The following ELMO1 variants were observed in gnomAD, a reference collection of about 807,000 sequenced individuals.
ELMO1 encodes the protein engulfment and cell motility 1, also known as engulfment and cell motility protein 1.
ELMO1 carries 26 observed loss-of-function variants against 98.9 expected under a neutral mutation model. That is an observed-to-expected ratio of 0.26 (90% CI 0.19 to 0.36). The LOEUF is 0.36. Among genes scored for constraint, ELMO1 ranks in the 10% least tolerant of loss-of-function variants. The probability of loss-of-function intolerance (pLI) is 1.00; values close to 1 mark genes in which losing one functional copy is unlikely to be tolerated. For missense variants in ELMO1, 627 were observed against 935.2 expected, an observed-to-expected ratio of 0.67 and a Z score of 4.30; for synonymous variants, 346 against 346.0, an observed-to-expected ratio of 1.00 and a Z score of 0.00.
intron 13 of ELMO1, among the ~76,000 whole-genome samples, chr7:37,135,217 C>T (rs1016823587): frequency 7.9e-5 from 12 of 152,156 alleles, no homozygotes; most frequent in Admixed American, 7.9e-4. Context: ...AGGAACTATC[C>T]TGAAAATGCA....
chr7:36,884,591 T>C (rs1355485787), intron 18 of ELMO1, among the ~76,000 whole-genome samples: 2 of 152,250 alleles, frequency 1.3e-5, no homozygotes, highest in South Asian at 2.1e-4. Context: ...TTGAGATATA[T>C]TACCTCCCAG....
At chr7:36,973,596 C>A (rs1174584450) in intron 16 of ELMO1, among the ~76,000 whole-genome samples, 1 of 152,166 alleles carries the variant, frequency 6.6e-6, no homozygotes, top group Non-Finnish European at 1.5e-5. Flanking sequence ...GTCCTCACAG[C>A]CCTCGCTCGC....
intron 16 of ELMO1, among the ~76,000 whole-genome samples, chr7:36,948,103 A>G (rs187511140): frequency 6.6e-6 from 1 of 152,366 alleles, no homozygotes; most frequent in African/African-American, 2.4e-5. Context: ...TGAATAGATA[A>G]GTGGTGAAAA....
chr7:37,276,151 T>C (rs1796820288), intron 4 of ELMO1, among the ~76,000 whole-genome samples: 3 of 152,134 alleles, frequency 2.0e-5, no homozygotes, highest in Non-Finnish European at 4.4e-5. Context: ...CTTCCTCCCA[T>C]GGAAAATGAG....
chr7:37,342,538 C>G lies in ELMO1; in HGVS notation c.78+75G>C. 3.5e-6 allele frequency: 5 copies of G among 1,408,680 alleles called. No homozygotes were observed. The highest frequency in any genetic ancestry group is 4.6e-5 in the East Asian group (2 of 43,926). The allele number at this position is 1,408,680 out of a possible 1,614,324, so 87.3% of individuals were successfully genotyped here. A position where few individuals can be genotyped will look rare whatever the true frequency, so the allele number is the denominator to read the frequency against. ...AGAGAGAGAAAGGGAGAAGAGTGAG[C>G]TATCCAAAGTCTATGAAAATTCCAG... On this transcript the variant is annotated intron_variant, in intron 2 of 21. Coordinates refer to ENST00000310758, the MANE Select transcript of ELMO1 (RefSeq NM_014800.11). This position sits in a 1 kb window ranked among gnomAD's most constrained non-coding sequence, Gnocchi z 4.3.
chr7:37,389,790 G>A (rs982847689), intron 1 of ELMO1, among the ~76,000 whole-genome samples: 2 of 152,060 alleles, frequency 1.3e-5, no homozygotes, highest in Non-Finnish European at 2.9e-5. Context: ...CTACCTAGGG[G>A]TATGCGTAAA....
intron 15 of ELMO1, among the ~76,000 whole-genome samples, chr7:37,047,106 G>T (rs978318203): frequency 6.6e-5 from 10 of 152,204 alleles, no homozygotes; most frequent in African/African-American, 2.2e-4. Flanking sequence ...AGGAGAAAGA[G>T]AAAGAGCTGA....
At chr7:36,971,721 C>T (rs1789973371) in intron 16 of ELMO1, among the ~76,000 whole-genome samples, 2 of 152,110 alleles carry the variant, frequency 1.3e-5, no homozygotes, top group African/African-American at 4.8e-5. Context: ...CTAATTAGCT[C>T]AAAGGGTAAA....
In ELMO1 at chr7:36,855,400, T is replaced by A; in HGVS notation, c.*151A>T. 1.0e-6 allele frequency: 1 copy of A among 955,356 alleles called. No individual in the cohort carries two copies. The highest frequency in any genetic ancestry group is 1.6e-5 in the African/African-American group (1 of 61,214). 59.2% of individuals were successfully genotyped at this position (955,356 alleles called of 1,614,324 possible). A position where few individuals can be genotyped will look rare whatever the true frequency, so the allele number is the denominator to read the frequency against. On this transcript the variant is annotated 3_prime_UTR_variant, in exon 22 of 22. Transcript: ENST00000310758. The surrounding 1 kb of genome is among the most constrained non-coding windows in gnomAD (Gnocchi z 4.2). ...CAAGATGCCAGCTAGGGGCTGAAAGTTGCCAGGGCTAGAGGTGATGCTGAA... is the reference window on the plus strand; with the variant it reads ...CAAGATGCCAGCTAGGGGCTGAAAGATGCCAGGGCTAGAGGTGATGCTGAA...
At chr7:37,002,585 G>C (rs1376370379) in intron 16 of ELMO1, among the ~76,000 whole-genome samples, 2 of 152,228 alleles carry the variant, frequency 1.3e-5, no homozygotes, top group African/African-American at 4.8e-5. Context: ...CCAGCTCTAT[G>C]ACAGCAGGAA....
chr7:37,137,082 T>G (rs1787312563), intron 13 of ELMO1, among the ~76,000 whole-genome samples: 1 of 152,128 alleles, frequency 6.6e-6, no homozygotes. Flanking sequence ...TTAAAAGATA[T>G]TCCATGCAAA....
chr7:37,037,306 T>C (rs1795234640), intron 15 of ELMO1, among the ~76,000 whole-genome samples: 1 of 152,212 alleles, frequency 6.6e-6, no homozygotes, highest in Non-Finnish European at 1.5e-5. Flanking sequence ...CGTTGTTCTG[T>C]GATTTTCAAT....
chr7:36,935,897 G>A (rs528035682), intron 16 of ELMO1, among the ~76,000 whole-genome samples: 2 of 152,306 alleles, frequency 1.3e-5, no homozygotes, highest in Non-Finnish European at 2.9e-5. Context: ...TTGGAAAGAA[G>A]TGAGCGACTC....
chr7:37,158,337 C>A (rs1250303962), intron 13 of ELMO1, among the ~76,000 whole-genome samples: 1 of 152,192 alleles, frequency 6.6e-6, no homozygotes, highest in Admixed American at 6.5e-5. Context: ...AGCTTCTGCA[C>A]AGCCAAAGTA....
intron 16 of ELMO1, among the ~76,000 whole-genome samples, chr7:36,963,469 A>G (rs1789145422): frequency 6.6e-6 from 1 of 152,164 alleles, no homozygotes; most frequent in African/African-American, 2.4e-5. Context: ...AGGAAAAGGG[A>G]CCACAGAAAA....
intron 15 of ELMO1, among the ~76,000 whole-genome samples, chr7:37,053,384 A>G (rs552244897): frequency 1.3e-5 from 2 of 152,120 alleles, no homozygotes; most frequent in East Asian, 3.9e-4. Context: ...AATTCCAAAC[A>G]TTGGTCCTGA....
intron 15 of ELMO1, 90 bp from the exon 16 acceptor site, chr7:37,013,525 A>C (rs1793708776): frequency 6.9e-7 from 1 of 1,443,366 alleles, no homozygotes; most frequent in Middle Eastern, 1.8e-4. Flanking sequence ...AAAGGGAGAC[A>C]AGCGGAGGTA....
chr7:36,854,538 CAAA>C lies in ELMO1; in HGVS notation c.*1010_*1012del, dbSNP rs70977201. ...TAGACTCTTTTGTACAAAAACAAAG[CAAA>C]AAAAAAAAAAAAAACTAACCCAAAA... On this transcript the variant is annotated 3_prime_UTR_variant, in exon 22 of 22. Coordinates refer to ENST00000310758, the MANE Select transcript of ELMO1 (RefSeq NM_014800.11). 0.061 allele frequency: 8,167 copies of C among 132,928 alleles called. 276 individuals are homozygous for C. The highest frequency in any genetic ancestry group is 0.15 in the East Asian group (711 of 4,794). 8.2% of individuals were successfully genotyped at this position (132,928 alleles called of 1,614,324 possible).
In ELMO1 at chr7:37,424,166, T is replaced by C. The variant is rs1647798; in HGVS notation, c.-74+24509A>G. The stretch of plus-strand genomic sequence containing the variant: ...AGAGCAAAATGGTCTTCATCAGCCA[T>C]AAATTCTTTCAAGAAAAAGATAGGC... On this transcript the variant is annotated intron_variant, in intron 1 of 21. Coordinates refer to ENST00000310758, the MANE Select transcript of ELMO1 (RefSeq NM_014800.11). Among the ~76,000 whole-genome samples, 1,173 of 152,312 alleles carry C rather than the reference T, an allele frequency of 7.7e-3. 6 individuals carry two copies. Among genetic ancestry groups the C allele is most frequent in the Middle Eastern group, 0.024 (7 of 292 alleles).
Sources: allele counts gnomAD v4.1 joint callset (sites outside exome capture counted in the v4.1 genomes callset), GRCh38; gene constraint gnomAD v4.1.1; non-coding constraint Gnocchi (gnomAD v3.1); transcripts MANE v1.5; gene names NCBI Gene and HGNC (gene_info 2026-07-23, HGNC 2026-07-21).